Variants in CRADD observed in about 807,000 individuals in gnomAD.
CRADD encodes death domain-containing protein CRADD.
CRADD carries 9 observed loss-of-function variants against 15.5 expected under a neutral mutation model. That is an observed-to-expected ratio of 0.58 (90% CI 0.35 to 1.01). The LOEUF is 1.01. CRADD is among the 50% of genes least tolerant of loss of function. The pLI, the probability that CRADD is intolerant of heterozygous loss-of-function variation, is 0.02. For synonymous variants in CRADD, 118 were observed against 107.6 expected (o/e 1.10, Z -0.60); for missense variants, 227 against 250.3 (o/e 0.91, Z 0.63).
At chr12:93,835,979 A>C (rs1038751088) in intron 2 of CRADD, among the ~76,000 whole-genome samples, 3 of 152,160 alleles carry the variant, frequency 2.0e-5, no homozygotes, top group Non-Finnish European at 4.4e-5. Context: ...CTATAGGCAC[A>C]TGTAAGCAAA....
intron 2 of CRADD, among the ~76,000 whole-genome samples, chr12:93,693,020 T>A (rs1474437840): frequency 1.3e-5 from 2 of 152,116 alleles, no homozygotes; most frequent in African/African-American, 4.8e-5. Flanking sequence ...GTTATCAGCT[T>A]AAAATAACTG....
intron 2 of CRADD, among the ~76,000 whole-genome samples, chr12:93,751,630 G>A (rs778380067): frequency 3.3e-5 from 5 of 152,092 alleles, no homozygotes; most frequent in African/African-American, 1.2e-4. Flanking sequence ...TTTGGAAGGC[G>A]GAGGCAGGCG....
chr12:93,694,127 T>A (rs1400355464), intron 2 of CRADD, among the ~76,000 whole-genome samples: 1 of 152,018 alleles, frequency 6.6e-6, no homozygotes, highest in East Asian at 1.9e-4. Flanking sequence ...AGTAAAAGAA[T>A]CATTCACTGT....
At chr12:93,708,053 A>G (rs900515518) in intron 2 of CRADD, 1 of 152,262 alleles carries the variant, frequency 6.6e-6, no homozygotes, top group Non-Finnish European at 1.5e-5. Flanking sequence ...CAAAGGCATC[A>G]TGGATCTTAA....
At chr12:93,847,022 G>A (rs981731519) in intron 2 of CRADD, among the ~76,000 whole-genome samples, 2 of 152,210 alleles carry the variant, frequency 1.3e-5, no homozygotes, top group African/African-American at 4.8e-5. Flanking sequence ...AGAATGGCAT[G>A]AACCCAGGAG....
intron 2 of CRADD, among the ~76,000 whole-genome samples, chr12:93,867,588 G>A (rs1010808696): frequency 1.3e-5 from 2 of 151,698 alleles, no homozygotes; most frequent in African/African-American, 4.8e-5. Context: ...ATTATTACAG[G>A]GATATGGTTC....
chr12:93,699,540 G>A (rs1272930189), intron 2 of CRADD, among the ~76,000 whole-genome samples: 1 of 152,146 alleles, frequency 6.6e-6, no homozygotes. Context: ...TTTGCCTTTT[G>A]TTCCCATCCA....
At chr12:93,834,619 G>C (rs1354799199) in intron 2 of CRADD, among the ~76,000 whole-genome samples, 1 of 152,106 alleles carries the variant, frequency 6.6e-6, no homozygotes, top group Non-Finnish European at 1.5e-5. Context: ...CTCCCAAGTA[G>C]CTGGGACTAC....
At chr12:93,871,899 T>C (rs1055714492) in intron 2 of CRADD, among the ~76,000 whole-genome samples, 1 of 152,140 alleles carries the variant, frequency 6.6e-6, no homozygotes, top group African/African-American at 2.4e-5. Context: ...CTTTGATGTA[T>C]GGATTTTCTT....
chr12:93,855,521 C>T (rs1044968811), downstream of CRADD, among the ~76,000 whole-genome samples: 1 of 152,220 alleles, frequency 6.6e-6, no homozygotes, highest in Admixed American at 6.5e-5. Flanking sequence ...ATCAGGCCTG[C>T]GCCTGAGTAT....
intron 2 of CRADD, chr12:93,707,956 C>G (rs988850119): frequency 2.6e-5 from 4 of 152,284 alleles, no homozygotes; most frequent in South Asian, 4.1e-4. Context: ...GATGGAGACT[C>G]TAAAAGTGGC....
intron 2 of CRADD, among the ~76,000 whole-genome samples, chr12:93,859,919 G>A (rs1958306453): frequency 6.6e-6 from 1 of 150,532 alleles, no homozygotes; most frequent in Non-Finnish European, 1.5e-5. Flanking sequence ...ATATAGAGAT[G>A]GGGTCTCCCC....
chr12:93,840,855 G>A (rs961159899), intron 2 of CRADD, among the ~76,000 whole-genome samples: 1 of 152,006 alleles, frequency 6.6e-6, no homozygotes, highest in Non-Finnish European at 1.5e-5. Flanking sequence ...TTATAGCACT[G>A]GTCAGGACGT....
intron 2 of CRADD, among the ~76,000 whole-genome samples, chr12:93,887,228 G>A (rs560215361): frequency 1.3e-5 from 2 of 152,320 alleles, no homozygotes; most frequent in South Asian, 4.1e-4. Context: ...GGAAACCTTG[G>A]GGTAAAAGGG....
At chr12:93,683,664 G>A (rs531707285) in intron 2 of CRADD, among the ~76,000 whole-genome samples, 6 of 152,304 alleles carry the variant, frequency 3.9e-5, no homozygotes, top group Non-Finnish European at 5.9e-5. Flanking sequence ...CCCTTGTGGC[G>A]CCAGCCTTGA....
chr12:93,742,724 C>T (rs1332495526), intron 2 of CRADD, among the ~76,000 whole-genome samples: 1 of 152,168 alleles, frequency 6.6e-6, no homozygotes, highest in African/African-American at 2.4e-5. Flanking sequence ...GGCATTCCTT[C>T]CGACTGCCCG....
chr12:93,774,673 C>G (rs898258764), intron 2 of CRADD, among the ~76,000 whole-genome samples: 1 of 152,098 alleles, frequency 6.6e-6, no homozygotes, highest in Non-Finnish European at 1.5e-5. Context: ...GCTGGAGGCT[C>G]TACAGCTTCT....
intron 2 of CRADD, among the ~76,000 whole-genome samples, chr12:93,806,460 A>C (rs975113429): frequency 6.7e-6 from 1 of 148,584 alleles, no homozygotes; most frequent in African/African-American, 2.5e-5. Context: ...TCAAAAAAAA[A>C]AAAAAAAAAA....
chr12:93,769,199 A>G (rs1957057465), intron 2 of CRADD, among the ~76,000 whole-genome samples: 1 of 151,900 alleles, frequency 6.6e-6, no homozygotes. Context: ...CCCCCAAGTT[A>G]GCCGCCTGAG....
Sources: gnomAD v4.1 joint callset for allele counts (sites outside exome capture counted in the v4.1 genomes callset) on GRCh38, gnomAD v4.1.1 for gene constraint, MANE v1.5 for transcripts, NCBI Gene and HGNC (gene_info 2026-07-23, HGNC 2026-07-21) for gene names.